CFTR: variants seen among roughly 807,000 people sequenced by gnomAD.
CFTR encodes the protein CF transmembrane conductance regulator, also known as cystic fibrosis transmembrane conductance regulator.
A neutral mutation model predicts 171.6 loss-of-function variants in CFTR; 181 were observed. The observed-to-expected ratio is 1.05, with a 90% confidence interval of 0.93 to 1.19. The LOEUF is 1.19. Among genes scored for constraint, CFTR ranks in the 50% most tolerant of loss-of-function variants. The pLI, the probability that CFTR is intolerant of heterozygous loss-of-function variation, is 0.00. For synonymous variants in CFTR, 583 were observed against 608.0 expected (o/e 0.96, Z 0.60); for missense variants, 1,968 against 1,734.7 (o/e 1.13, Z -2.39).
intron 1 of CFTR, among the ~76,000 whole-genome samples, chr7:117,481,182 A>G (rs1317567132): frequency 6.6e-6 from 1 of 152,222 alleles, no homozygotes; most frequent in East Asian, 1.9e-4. Context: ...TCCGGTGCTA[A>G]GGAGAGACTG....
At chr7:117,539,687 C>T (rs547305434) in intron 7 of CFTR, among the ~76,000 whole-genome samples, 80 of 151,952 alleles carry the variant, frequency 5.3e-4, no homozygotes, top group South Asian at 1.9e-3. Flanking sequence ...ATGTTGTTCT[C>T]ATTTCCATAC....
intron 3 of CFTR, among the ~76,000 whole-genome samples, chr7:117,518,946 A>G (rs1262162735): frequency 2.0e-5 from 3 of 152,166 alleles, no homozygotes; most frequent in African/African-American, 4.8e-5. Context: ...ATCTTTCATT[A>G]TTGTGTTATC....
intron 9 of CFTR, among the ~76,000 whole-genome samples, chr7:117,547,517 A>G (rs957348083): frequency 3.9e-5 from 6 of 151,964 alleles, no homozygotes; most frequent in East Asian, 1.9e-4. Context: ...TTAAATTATT[A>G]AAATTAAAAT....
At chr7:117,522,886 A>C (rs1798705468) in intron 3 of CFTR, among the ~76,000 whole-genome samples, 1 of 152,190 alleles carries the variant, frequency 6.6e-6, no homozygotes, top group South Asian at 2.1e-4. Flanking sequence ...TAAATATTAA[A>C]GAACATGATG....
intron 12 of CFTR, among the ~76,000 whole-genome samples, chr7:117,589,344 G>A (rs1791993156): frequency 1.3e-5 from 2 of 151,790 alleles, no homozygotes; most frequent in South Asian, 4.2e-4. Flanking sequence ...TTTGCCATTG[G>A]TTTTTAAAAA....
At chr7:117,487,053 A>G (rs762357543) in intron 1 of CFTR, among the ~76,000 whole-genome samples, 1 of 152,108 alleles carries the variant, frequency 6.6e-6, no homozygotes, top group Non-Finnish European at 1.5e-5. Context: ...GGTGCTGCTT[A>G]TTGAATGAGA....
At chr7:117,493,344 A>G (rs1798191186) in intron 1 of CFTR, among the ~76,000 whole-genome samples, 1 of 152,016 alleles carries the variant, frequency 6.6e-6, no homozygotes, top group South Asian at 2.1e-4. Flanking sequence ...TTACTTAGGT[A>G]TATGTTGCTT....
chr7:117,505,346 T>C (rs145095294), intron 2 of CFTR, among the ~76,000 whole-genome samples: 2 of 152,184 alleles, frequency 1.3e-5, no homozygotes, highest in African/African-American at 4.8e-5. Context: ...CCCAATTTAC[T>C]AGCTTAAGTA....
chr7:117,626,313 C>T (rs1792648895), intron 21 of CFTR, among the ~76,000 whole-genome samples: 2 of 152,090 alleles, frequency 1.3e-5, no homozygotes, highest in Admixed American at 1.3e-4. Flanking sequence ...GAATTGTTCC[C>T]ATTTCACCTT....
In CFTR at chr7:117,576,007, T is replaced by G. The variant is rs182108743; in HGVS notation, c.1585-11732T>G. Among the ~76,000 whole-genome samples, 3 of 152,306 alleles carry G rather than the reference T, an allele frequency of 2.0e-5. No homozygotes were observed. In the East Asian group the frequency reaches 5.8e-4, roughly 29 times the overall value. ...AACACATCTTTTCTAGCAGAATTCA[T>G]AAATATATTATTCTATATTGCCAAA... On this transcript the variant is annotated intron_variant, in intron 11 of 26. Coordinates refer to ENST00000003084, the MANE Select transcript of CFTR (RefSeq NM_000492.4).
intron 1 of CFTR, among the ~76,000 whole-genome samples, chr7:117,499,927 A>G (rs1182494094): frequency 2.0e-5 from 3 of 152,192 alleles, no homozygotes; most frequent in African/African-American, 7.2e-5. Flanking sequence ...TGAATGAAAG[A>G]GAAGGATAAG....
intron 1 of CFTR, among the ~76,000 whole-genome samples, chr7:117,491,961 A>G (rs1422441761): frequency 1.3e-5 from 2 of 152,088 alleles, no homozygotes; most frequent in African/African-American, 4.8e-5. Flanking sequence ...AGCCATATAT[A>G]CCTCATGTAT....
intron 9 of CFTR, among the ~76,000 whole-genome samples, chr7:117,545,082 A>G (rs974740088): frequency 2.0e-5 from 3 of 152,246 alleles, no homozygotes; most frequent in African/African-American, 7.2e-5. Flanking sequence ...AGGGACTCAC[A>G]GTTCCATGTG....
In CFTR at chr7:117,592,340, G is replaced by C; in HGVS notation, c.2173G>C (p.Glu725Gln). 1 of 1,614,062 alleles carries C rather than the reference G, an allele frequency of 6.2e-7. No homozygotes were observed. The highest frequency in any genetic ancestry group is 8.5e-7 in the Non-Finnish European group (1 of 1,179,978). The change falls in exon 14 of 27, where the codon GAA becomes CAA. Residue 725 changes from glutamate to glutamine, a missense_variant. By Grantham distance (29) the Glu-to-Gln change is conservative. Coordinates refer to ENST00000003084, the MANE Select transcript of CFTR (RefSeq NM_000492.4). ...QKTPLQMNGI[E>Q]EDSDEPLERR... ...GACTCCCTTACAAATGAATGGCATC[G>C]AAGAGGATTCTGATGAGCCTTTAGA...
chr7:117,557,068 G>A (rs1799373918), intron 10 of CFTR, among the ~76,000 whole-genome samples: 4 of 151,696 alleles, frequency 2.6e-5, no homozygotes, highest in Admixed American at 2.6e-4. Context: ...AAAAAGCTGT[G>A]CATTTTCCTC....
chr7:117,597,167 G>A (rs1463682931), intron 15 of CFTR, among the ~76,000 whole-genome samples: 4 of 152,162 alleles, frequency 2.6e-5, no homozygotes, highest in Admixed American at 2.6e-4. Flanking sequence ...GGTCCGCATT[G>A]CGTTTATGAG....
At chr7:117,615,493 A>AT (rs1283226401) in intron 21 of CFTR, among the ~76,000 whole-genome samples, 3 of 151,786 alleles carry the variant, frequency 2.0e-5, no homozygotes, top group East Asian at 1.9e-4. Flanking sequence ...TATTATTTAA[A>AT]TTTTTTTCAC....
At position 117,592,161 on chromosome 7, in the gene CFTR, C is replaced by A. The variant is rs1792036800; in HGVS notation, c.1994C>A (p.Thr665Asn). Residue 665 changes from threonine (T) to asparagine (N), a missense_variant, in exon 14 of 27, where the codon ACC becomes AAC. Transcript: ENST00000003084. Reference sequence around the variant, plus strand: ...AGAAGAAATTCAATCCTAACTGAGACCTTACACCGTTTCTCATTAGAAGGA... The same window carrying A: ...AGAAGAAATTCAATCCTAACTGAGAACTTACACCGTTTCTCATTAGAAGGA... ...AERRNSILTETLHRFSLEGDA... is the reference protein window; with the variant it reads ...AERRNSILTENLHRFSLEGDA... 1 of 1,613,900 alleles carries A rather than the reference C, an allele frequency of 6.2e-7. No individual in the cohort carries two copies. The highest frequency in any genetic ancestry group is 8.5e-7 in the Non-Finnish European group (1 of 1,179,998).
intron 22 of CFTR, among the ~76,000 whole-genome samples, chr7:117,638,086 T>C (rs1049168255): frequency 2.0e-5 from 3 of 152,282 alleles, no homozygotes; most frequent in Non-Finnish European, 2.9e-5. Flanking sequence ...GTTTAGGTTT[T>C]CCTACCCTAC....
Sources: gnomAD v4.1 joint callset for allele counts (sites outside exome capture counted in the v4.1 genomes callset) on GRCh38, gnomAD v4.1.1 for gene constraint, MANE v1.5 for transcripts, NCBI Gene and HGNC (gene_info 2026-07-23, HGNC 2026-07-21) for gene names.